The following HERPUD2 variants were observed in gnomAD, a reference collection of about 807,000 sequenced individuals.
HERPUD2 encodes the protein HERPUD family member 2, also known as homocysteine-responsive endoplasmic reticulum-resident ubiquitin-like domain member 2 protein.
Under a neutral mutation model 49.9 loss-of-function variants are expected in HERPUD2, and 13 were observed. The ratio of observed to expected loss-of-function variants is 0.26; its 90% confidence interval spans 0.17 to 0.41. The LOEUF is 0.41. HERPUD2 is among the 10% of genes least tolerant of loss of function. The pLI is 1.00. For missense variants in HERPUD2, 449 were observed against 492.2 expected, an observed-to-expected ratio of 0.91 and a Z score of 0.83; for synonymous variants, 172 against 171.4, an observed-to-expected ratio of 1.00 and a Z score of -0.03.
Position 35,633,465 on chromosome 7 carries a change from G to A in HERPUD2, c.*225C>T. 3.1e-6 allele frequency: 1 copy of A among 324,374 alleles called. No individual in the cohort carries two copies. The highest frequency in any genetic ancestry group is 8.7e-4 in the Middle Eastern group (1 of 1,150). The allele number at this position is 324,374 out of a possible 1,614,324, so 20.1% of individuals were successfully genotyped here. On this transcript the variant is annotated 3_prime_UTR_variant, in exon 9 of 9. Coordinates refer to ENST00000311350, the MANE Select transcript of HERPUD2 (RefSeq NM_022373.5). The stretch of plus-strand genomic sequence containing the variant: ...GAGTAACACCTGGAAGACCAATATT[G>A]TTACGCTATGTTCTGTTAGGATCTT...
chr7:35,650,543 C>T (rs1452411434), intron 5 of HERPUD2, among the ~76,000 whole-genome samples: 1 of 152,154 alleles, frequency 6.6e-6, no homozygotes, highest in Admixed American at 6.5e-5. Flanking sequence ...TGCATCCTGC[C>T]CTGGGGCCCA....
chr7:35,649,078 C>T (rs974030253), intron 5 of HERPUD2, among the ~76,000 whole-genome samples: 4 of 151,994 alleles, frequency 2.6e-5, no homozygotes, highest in Non-Finnish European at 5.9e-5. Context: ...GGTGAAACCC[C>T]GTCTCTACTA....
intron 5 of HERPUD2, among the ~76,000 whole-genome samples, chr7:35,660,096 C>T (rs1583552534): frequency 6.6e-6 from 1 of 152,164 alleles, no homozygotes; most frequent in African/African-American, 2.4e-5. Flanking sequence ...TCTCATTGTT[C>T]AGTTCCCACC....
intron 2 of HERPUD2, among the ~76,000 whole-genome samples, chr7:35,684,041 A>G (rs1396702336): frequency 6.6e-6 from 1 of 152,232 alleles, no homozygotes; most frequent in Non-Finnish European, 1.5e-5. Flanking sequence ...CATTTGATCC[A>G]GCAATCCCAC....
rs539936595 is a variant in HERPUD2, at chr7:35,661,239, T to C, written c.494+6195A>G. 1.7e-3 allele frequency among the ~76,000 whole-genome samples: 258 copies of C among 152,286 alleles called. 2 individuals are homozygous for C. Among genetic ancestry groups the C allele is most frequent in the African/African-American group, 6.0e-3 (251 of 41,562 alleles). ...CTCTATTCTGTTCCACTAGTCTATATCTCTGTTTTGGTACCAGTACCATGC... is the reference window on the plus strand; with the variant it reads ...CTCTATTCTGTTCCACTAGTCTATACCTCTGTTTTGGTACCAGTACCATGC... On this transcript the variant is annotated intron_variant, in intron 5 of 8. Coordinates refer to ENST00000311350, the MANE Select transcript of HERPUD2 (RefSeq NM_022373.5).
chr7:35,654,652 C>T (rs1224653307), intron 5 of HERPUD2, among the ~76,000 whole-genome samples: 23 of 146,978 alleles, frequency 1.6e-4, no homozygotes, highest in African/African-American at 5.2e-4. Context: ...TGGATGGCTT[C>T]GCTGCCAAAT....
At chr7:35,685,474 C>A (rs1296150562) in intron 2 of HERPUD2, among the ~76,000 whole-genome samples, 5 of 151,478 alleles carry the variant, frequency 3.3e-5, no homozygotes, top group Non-Finnish European at 5.9e-5. Context: ...CAGGCGCGTG[C>A]CACTATGCCC....
intron 5 of HERPUD2, among the ~76,000 whole-genome samples, chr7:35,649,968 G>C (rs569565583): frequency 1.3e-5 from 2 of 152,246 alleles, no homozygotes; most frequent in African/African-American, 4.8e-5. Flanking sequence ...GGGCTAAGAG[G>C]AGAGGTCCAC....
chr7:35,686,584 T>C, intron 2 of HERPUD2, among the ~76,000 whole-genome samples: 1 of 134,422 alleles, frequency 7.4e-6, no homozygotes, highest in East Asian at 2.6e-4. Flanking sequence ...CCGGGCGTAG[T>C]GGCGGGCGCC....
Position 35,667,433 on chromosome 7 carries a change from C to A in HERPUD2, c.494+1G>T. ...TCCATAGCTACCACAATTTCACTTA[C>A]CCTTGCATTACATATGGAAACTGGT... On this transcript the variant is annotated splice_donor_variant, in intron 5 of 8. Transcript: ENST00000311350. LOFTEE classifies it high-confidence loss of function. 1 of 1,610,138 alleles carries A rather than the reference C, an allele frequency of 6.2e-7. No homozygotes were observed. The highest frequency in any genetic ancestry group is 8.5e-7 in the Non-Finnish European group (1 of 1,177,082).
At chr7:35,644,979 G>A (rs905896405) in intron 5 of HERPUD2, among the ~76,000 whole-genome samples, 1 of 152,026 alleles carries the variant, frequency 6.6e-6, no homozygotes, top group African/African-American at 2.4e-5. Flanking sequence ...TACCATATCT[G>A]TTACAAATAC....
At chr7:35,667,889 G>A (rs970771460) in intron 4 of HERPUD2, among the ~76,000 whole-genome samples, 13 of 151,998 alleles carry the variant, frequency 8.6e-5, no homozygotes, top group African/African-American at 1.2e-4. Context: ...TGCATAAAAA[G>A]CTCTTTTCAC....
intron 2 of HERPUD2, among the ~76,000 whole-genome samples, chr7:35,674,379 C>CTATATATATATA (rs1232272764): frequency 0.011 from 484 of 42,854 alleles, 34 homozygotes; most frequent in Non-Finnish European, 0.014. Context: ...GTCTTACAAC[C>CTATATATATATA]TATATATATA....
intron 2 of HERPUD2, among the ~76,000 whole-genome samples, chr7:35,686,931 G>T (rs1786075512): frequency 6.7e-6 from 1 of 148,634 alleles, no homozygotes; most frequent in Non-Finnish European, 1.5e-5. Context: ...AGGTGGGCAG[G>T]CGCCTGTAAT....
intron 2 of HERPUD2, among the ~76,000 whole-genome samples, chr7:35,674,657 G>A (rs1478899438): frequency 6.6e-6 from 1 of 151,608 alleles, no homozygotes; most frequent in Non-Finnish European, 1.5e-5. Context: ...GCAACTTTCA[G>A]TCCCACCCCC....
intron 5 of HERPUD2, among the ~76,000 whole-genome samples, chr7:35,665,259 G>T (rs1785512880): frequency 6.6e-6 from 1 of 152,218 alleles, no homozygotes. Flanking sequence ...GCTGAGGTGG[G>T]CTCCACCCAG....
chr7:35,678,910 G>A (rs1785821915), intron 2 of HERPUD2, among the ~76,000 whole-genome samples: 1 of 152,154 alleles, frequency 6.6e-6, no homozygotes, highest in Non-Finnish European at 1.5e-5. Flanking sequence ...GAAAAAATAT[G>A]CTGGAAAACT....
chr7:35,661,441 T>A (rs1040552348), intron 5 of HERPUD2, among the ~76,000 whole-genome samples: 1 of 152,206 alleles, frequency 6.6e-6, no homozygotes, highest in Admixed American at 6.5e-5. Context: ...GGGGATGGCA[T>A]TGAATCTATG....
At chr7:35,677,484 T>C (rs1377077128) in intron 2 of HERPUD2, among the ~76,000 whole-genome samples, 1 of 152,198 alleles carries the variant, frequency 6.6e-6, no homozygotes, top group East Asian at 1.9e-4. Flanking sequence ...ATTAATGACA[T>C]TGATAAAGGT....
Sources: allele counts gnomAD v4.1 joint callset (sites outside exome capture counted in the v4.1 genomes callset), GRCh38; gene constraint gnomAD v4.1.1; transcripts MANE v1.5; gene names NCBI Gene and HGNC (gene_info 2026-07-23, HGNC 2026-07-21).